GALNT2: variants seen among roughly 807,000 people sequenced by gnomAD.
GALNT2 encodes the protein polypeptide N-acetylgalactosaminyltransferase 2, also known as UDP-GalNAc:polypeptide N-acetylgalactosaminyltransferase 2.
GALNT2 carries 31 observed loss-of-function variants against 81.4 expected under a neutral mutation model. The observed-to-expected ratio is 0.38, with a 90% CI of 0.29 to 0.51. The LOEUF (loss-of-function observed/expected upper bound fraction) is 0.51, where lower values mean the gene tolerates loss of function less well. Among genes scored for constraint, GALNT2 ranks in the 20% least tolerant of loss-of-function variants. GALNT2 has a pLI of 0.87. For synonymous variants in GALNT2, 303 were observed against 287.4 expected (o/e 1.05, Z -0.55); for missense variants, 629 against 765.7 (o/e 0.82, Z 2.11).
chr1:230,079,752 C>A (rs1659671765), intron 1 of GALNT2, among the ~76,000 whole-genome samples: 1 of 152,210 alleles, frequency 6.6e-6, no homozygotes, highest in South Asian at 2.1e-4. Flanking sequence ...ATGGTCTAAG[C>A]TCCAGGCCTG....
chr1:230,086,650 T>G (rs139926331), intron 1 of GALNT2, among the ~76,000 whole-genome samples: 1 of 152,322 alleles, frequency 6.6e-6, no homozygotes, highest in East Asian at 1.9e-4. Flanking sequence ...TCACCCCTGC[T>G]CAGGACATAA....
intron 3 of GALNT2, among the ~76,000 whole-genome samples, chr1:230,219,327 T>C (rs1189587213): frequency 6.6e-6 from 1 of 152,126 alleles, no homozygotes; most frequent in Non-Finnish European, 1.5e-5. Flanking sequence ...TCCCCGTATG[T>C]TGCTCTGGGC....
intron 1 of GALNT2, among the ~76,000 whole-genome samples, chr1:230,134,675 A>G (rs1661480655): frequency 6.6e-6 from 1 of 152,098 alleles, no homozygotes; most frequent in African/African-American, 2.4e-5. Context: ...GTATCAGCTC[A>G]TGAGACATTT....
chr1:230,204,168 C>CTTTT (rs373232106), intron 3 of GALNT2, among the ~76,000 whole-genome samples: 1 of 125,978 alleles, frequency 7.9e-6, no homozygotes. Context: ...TTTTCTTTTT[C>CTTTT]TTTTTTTTTT....
chr1:230,081,488 C>T (rs1440457833), intron 1 of GALNT2, among the ~76,000 whole-genome samples: 1 of 12,790 alleles, frequency 7.8e-5, no homozygotes, highest in Non-Finnish European at 1.2e-4. Context: ...CTGAATATAG[C>T]GTGTTAATTT....
chr1:230,229,925 C>T (rs771038355), intron 3 of GALNT2, among the ~76,000 whole-genome samples: 1 of 152,072 alleles, frequency 6.6e-6, no homozygotes, highest in African/African-American at 2.4e-5. Context: ...TAGTGATTGC[C>T]CCTGGGGAAG....
intron 1 of GALNT2, among the ~76,000 whole-genome samples, chr1:230,171,900 A>G (rs912315024): frequency 1.3e-5 from 2 of 152,130 alleles, no homozygotes; most frequent in Non-Finnish European, 2.9e-5. Context: ...TTGGGCTTCC[A>G]ACACCTCACA....
chr1:230,201,419 A>T (rs1426715949), intron 2 of GALNT2, among the ~76,000 whole-genome samples: 1 of 152,174 alleles, frequency 6.6e-6, no homozygotes, highest in Non-Finnish European at 1.5e-5. Context: ...GAGCTTTTAG[A>T]TAGAAAATTT....
chr1:230,086,776 C>T (rs556714082), intron 1 of GALNT2, among the ~76,000 whole-genome samples: 15 of 152,100 alleles, frequency 9.9e-5, no homozygotes, highest in Non-Finnish European at 1.8e-4. Context: ...CTCAGTGGTG[C>T]GTCCGTCATG....
At chr1:230,195,604 C>T (rs1414046971) in intron 2 of GALNT2, among the ~76,000 whole-genome samples, 4 of 152,232 alleles carry the variant, frequency 2.6e-5, no homozygotes, top group East Asian at 3.9e-4. Context: ...ATCAGCGGTG[C>T]GGGCATGGCT....
At chr1:230,156,553 A>G (rs1662262982) in intron 1 of GALNT2, among the ~76,000 whole-genome samples, 1 of 152,102 alleles carries the variant, frequency 6.6e-6, no homozygotes, top group Admixed American at 6.5e-5. Flanking sequence ...CATGCTTCCT[A>G]GATGCTGGAT....
chr1:230,236,420 C>T lies in GALNT2; in HGVS notation c.541C>T (p.Pro181Ser), dbSNP rs537078461. ...IILVDDYSNDPEDGALLGKIE... is the reference protein window; with the variant it reads ...IILVDDYSNDSEDGALLGKIE... ...CTTGGTGGATGACTACAGCAATGATCGTGAGTACTGACACTGATTTTATCC... is the reference window on the plus strand; with the variant it reads ...CTTGGTGGATGACTACAGCAATGATTGTGAGTACTGACACTGATTTTATCC... Residue 181 changes from proline (P) to serine (S), a missense_variant and splice_region_variant, in exon 5 of 16, where the codon CCT becomes TCT. Coordinates refer to ENST00000366672, the MANE Select transcript of GALNT2 (RefSeq NM_004481.5). 6.8e-6 allele frequency: 11 copies of T among 1,613,814 alleles called. No homozygotes were observed. The highest frequency in any genetic ancestry group is 2.2e-5 in the South Asian group (2 of 91,068).
At chr1:230,061,026 A>G (rs973259672) in intron 1 of GALNT2, among the ~76,000 whole-genome samples, 1 of 152,096 alleles carries the variant, frequency 6.6e-6, no homozygotes, top group Admixed American at 6.5e-5. Context: ...GGAATCAATA[A>G]TTTCTCCAGT....
chr1:230,178,378 C>G (rs1454259879), intron 2 of GALNT2, 67 bp downstream of exon 2: 3 of 1,213,876 alleles, frequency 2.5e-6, no homozygotes, highest in African/African-American at 1.5e-5. Context: ...GAGCATGGCT[C>G]TTGGAGCAGG....
intron 3 of GALNT2, among the ~76,000 whole-genome samples, chr1:230,228,105 C>T (rs1286185469): frequency 6.6e-6 from 1 of 152,106 alleles, no homozygotes; most frequent in African/African-American, 2.4e-5. Flanking sequence ...CTGTAGCAAG[C>T]AGAACTGTCA....
intron 1 of GALNT2, among the ~76,000 whole-genome samples, chr1:230,138,155 G>T (rs949292457): frequency 2.0e-5 from 3 of 152,174 alleles, no homozygotes; most frequent in African/African-American, 7.2e-5. Flanking sequence ...GACCCCAAAG[G>T]ACGGTTCTTG....
chr1:230,267,939 G>A lies in GALNT2; in HGVS notation c.1440+2572G>A, dbSNP rs1420234985. Among the ~76,000 whole-genome samples the A allele has an allele frequency of 3.3e-5, 5 of 152,204 alleles. No homozygotes were observed. In the South Asian group the frequency reaches 6.2e-4, roughly 19 times the overall value. On this transcript the variant is annotated intron_variant, in intron 14 of 15. Transcript: ENST00000366672. ...AGGGCGCCGTGCGGTGCTGCTGTGG[G>A]TCCCGCTGTGGTCCAGGTGTGACTG... is the stretch of plus-strand genomic sequence containing the variant.
intron 15 of GALNT2, 38 bp downstream of exon 15, chr1:230,274,602 C>CCCAGA (rs1666236566): frequency 6.2e-7 from 1 of 1,611,554 alleles, no homozygotes; most frequent in Non-Finnish European, 8.5e-7. Flanking sequence ...CCGTGATTAA[C>CCCAGA]CCAGACCAGG....
intron 1 of GALNT2, among the ~76,000 whole-genome samples, chr1:230,172,414 A>G (rs988853647): frequency 1.3e-5 from 2 of 152,192 alleles, no homozygotes; most frequent in Admixed American, 6.5e-5. Context: ...CCCATTAGAA[A>G]TCGTGGGCCA....
Sources: allele counts gnomAD v4.1 joint callset (sites outside exome capture counted in the v4.1 genomes callset), GRCh38; gene constraint gnomAD v4.1.1; transcripts MANE v1.5; gene names NCBI Gene and HGNC (gene_info 2026-07-23, HGNC 2026-07-21).